Variants in DSCAM observed in about 807,000 individuals in gnomAD.
DSCAM encodes cell adhesion molecule DSCAM.
DSCAM carries 47 observed loss-of-function variants against 217.7 expected under a neutral mutation model. That is an observed-to-expected ratio of 0.22 (90% CI 0.17 to 0.28). The LOEUF is 0.28. Among genes scored for constraint, DSCAM ranks in the 10% least tolerant of loss-of-function variants. DSCAM has a pLI of 1.00. For missense variants in DSCAM, 2,080 were observed against 2,618.3 expected (o/e 0.79, Z 4.49); for synonymous variants, 1,056 against 1,015.3 (o/e 1.04, Z -0.76).
intron 4 of DSCAM, among the ~76,000 whole-genome samples, chr21:40,365,591 A>AC (rs1335660925): frequency 9.2e-5 from 14 of 152,254 alleles, no homozygotes; most frequent in East Asian, 7.7e-4. Flanking sequence ...CCCCCTAAAG[A>AC]ACCCTAATAC....
intron 3 of DSCAM, among the ~76,000 whole-genome samples, chr21:40,651,724 A>T (rs967896057): frequency 1.3e-5 from 2 of 152,208 alleles, no homozygotes; most frequent in Non-Finnish European, 2.9e-5. Context: ...AACACTGTTG[A>T]CTGATTGCTC....
chr21:40,302,359 G>C (rs7278717), intron 9 of DSCAM, among the ~76,000 whole-genome samples: 21,527 of 151,952 alleles, frequency 0.14, 2,457 homozygotes, highest in East Asian at 0.37. Flanking sequence ...TTTTATAAAG[G>C]GGATTTCCCC....
chr21:40,277,217 G>A (rs1037668959), intron 10 of DSCAM, among the ~76,000 whole-genome samples: 3 of 152,106 alleles, frequency 2.0e-5, no homozygotes, highest in African/African-American at 7.2e-5. Context: ...GAAGCTCAAC[G>A]TTTGGGCCAA....
chr21:40,258,221 T>C (rs923999227), intron 11 of DSCAM, among the ~76,000 whole-genome samples: 5 of 152,154 alleles, frequency 3.3e-5, no homozygotes, highest in African/African-American at 9.7e-5. Flanking sequence ...AACTTCTTCC[T>C]GGAGATCTTC....
intron 30 of DSCAM, among the ~76,000 whole-genome samples, chr21:40,046,885 G>C (rs1047177185): frequency 6.6e-6 from 1 of 151,602 alleles, no homozygotes; most frequent in African/African-American, 2.4e-5. Context: ...CTCCAATGGT[G>C]GGGCAAAGAT....
intron 11 of DSCAM, among the ~76,000 whole-genome samples, chr21:40,257,469 A>AACACACACACATAC (rs2073388644): frequency 6.9e-6 from 1 of 144,692 alleles, no homozygotes; most frequent in Admixed American, 6.9e-5. Context: ...GTATTTGCTG[A>AACACACACACATAC]ACACACACAC....
At chr21:40,346,568 T>C (rs542083107) in intron 6 of DSCAM, among the ~76,000 whole-genome samples, 3 of 152,326 alleles carry the variant, frequency 2.0e-5, no homozygotes, top group East Asian at 3.9e-4. Context: ...CACAAATACA[T>C]AGATAGAAGC....
intron 1 of DSCAM, among the ~76,000 whole-genome samples, chr21:40,794,075 G>C (rs1205949655): frequency 6.6e-6 from 1 of 152,106 alleles, no homozygotes; most frequent in South Asian, 2.1e-4. Flanking sequence ...CCTTGGCACT[G>C]CCTTCTTTTT....
intron 3 of DSCAM, among the ~76,000 whole-genome samples, chr21:40,530,831 C>A (rs1348498221): frequency 6.6e-6 from 1 of 152,040 alleles, no homozygotes; most frequent in Non-Finnish European, 1.5e-5. Flanking sequence ...TCCGTGGTGT[C>A]CATCAAAGCT....
intron 5 of DSCAM, among the ~76,000 whole-genome samples, chr21:40,349,104 T>C (rs1002408307): frequency 2.6e-5 from 3 of 116,558 alleles, no homozygotes; most frequent in South Asian, 6.0e-4. Flanking sequence ...GCCACTGCAC[T>C]CTAGCTTGGG....
At chr21:40,842,724 G>A (rs1168540727) in intron 1 of DSCAM, among the ~76,000 whole-genome samples, 2 of 152,122 alleles carry the variant, frequency 1.3e-5, no homozygotes, top group South Asian at 2.1e-4. Context: ...ATTAGAATTG[G>A]CAAATATTTT....
intron 20 of DSCAM, among the ~76,000 whole-genome samples, chr21:40,104,287 T>C (rs1239733686): frequency 6.6e-6 from 1 of 152,160 alleles, no homozygotes; most frequent in African/African-American, 2.4e-5. Flanking sequence ...TACAAGAAAT[T>C]AATGAGAAAC....
At chr21:40,544,210 G>T (rs2076563458) in intron 3 of DSCAM, among the ~76,000 whole-genome samples, 1 of 152,044 alleles carries the variant, frequency 6.6e-6, no homozygotes, top group African/African-American at 2.4e-5. Flanking sequence ...AATAAGCCTT[G>T]GTCACGGAGT....
intron 3 of DSCAM, among the ~76,000 whole-genome samples, chr21:40,686,314 C>T (rs1568985034): frequency 6.6e-6 from 1 of 150,972 alleles, no homozygotes; most frequent in African/African-American, 2.4e-5. Context: ...GGCACACACA[C>T]ACACCACATA....
At chr21:40,269,063 C>T (rs538364950) in intron 11 of DSCAM, among the ~76,000 whole-genome samples, 4 of 152,204 alleles carry the variant, frequency 2.6e-5, no homozygotes, top group East Asian at 1.9e-4. Context: ...GCAGGATTAC[C>T]GAGGGGAACA....
intron 12 of DSCAM, among the ~76,000 whole-genome samples, chr21:40,188,663 TATG>T (rs2090921721): frequency 6.6e-6 from 1 of 152,340 alleles, no homozygotes; most frequent in African/African-American, 2.4e-5. Flanking sequence ...AGATAGTTTT[TATG>T]ATAATATTTT....
chr21:40,810,461 C>A (rs1307466318), intron 1 of DSCAM, among the ~76,000 whole-genome samples: 1 of 152,174 alleles, frequency 6.6e-6, no homozygotes, highest in Non-Finnish European at 1.5e-5. Context: ...TCTGGTAAAC[C>A]AGGAACACAA....
At chr21:40,533,594 C>CATTCA in intron 3 of DSCAM, among the ~76,000 whole-genome samples, 1 of 150,156 alleles carries the variant, frequency 6.7e-6, no homozygotes, top group Non-Finnish European at 1.5e-5. Context: ...ACCATCCATC[C>CATTCA]ACCTGTCTGT....
intron 19 of DSCAM, among the ~76,000 whole-genome samples, chr21:40,129,520 C>A (rs1300546109): frequency 3.3e-5 from 5 of 152,190 alleles, no homozygotes; most frequent in Non-Finnish European, 5.9e-5. Context: ...TACCACTGGG[C>A]ACTGCTGAGG....
Sources: gnomAD v4.1 joint callset for allele counts (sites outside exome capture counted in the v4.1 genomes callset) on GRCh38, gnomAD v4.1.1 for gene constraint, MANE v1.5 for transcripts, NCBI Gene and HGNC (gene_info 2026-07-23, HGNC 2026-07-21) for gene names.